Variants in ANOS1 observed in about 807,000 individuals in gnomAD.
ANOS1 encodes anosmin-1.
A neutral mutation model predicts 59.0 loss-of-function variants in ANOS1; 6 were observed. That is an observed-to-expected ratio of 0.10 (90% CI 0.06 to 0.20). ANOS1 has a LOEUF of 0.20. Among genes scored for constraint, ANOS1 ranks in the 10% least tolerant of loss-of-function variants. ANOS1 has a pLI of 1.00. For missense variants in ANOS1, 433 were observed against 542.3 expected, an observed-to-expected ratio of 0.80 and a Z score of 2.00; for synonymous variants, 217 against 223.4, an observed-to-expected ratio of 0.97 and a Z score of 0.25.
At chrX:8,593,148 C>T (rs758295884) in intron 4 of ANOS1, among the ~76,000 whole-genome samples, 13 of 111,117 alleles carry the variant, frequency 1.2e-4, no homozygotes, top group Non-Finnish European at 2.3e-4. Flanking sequence ...GGTAAATGTC[C>T]ATTTATTTAA....
chrX:8,719,018 C>T (rs187031264), intron 1 of ANOS1, among the ~76,000 whole-genome samples: 1 of 112,169 alleles, frequency 8.9e-6, no homozygotes, highest in African/African-American at 3.2e-5. Context: ...TTGCAATTTG[C>T]ATTCTGCGGG....
chrX:8,698,196 T>C (rs905515373), intron 2 of ANOS1, among the ~76,000 whole-genome samples: 3 of 112,345 alleles, frequency 2.7e-5, no homozygotes, highest in African/African-American at 9.7e-5. Flanking sequence ...TTGCTTTCTT[T>C]CCTTGTGAAA....
Position 8,532,322 on chromosome X carries a change from C to G in ANOS1, c.*673G>C, listed in dbSNP as rs1215046754. The G allele has an allele frequency of 4.5e-5, 5 of 112,092 alleles. No individual in the cohort carries two copies. The highest frequency in any genetic ancestry group is 1.6e-4 in the African/African-American group (5 of 30,953). The allele number at this position is 112,092 out of a possible 1,213,427, so 9.2% of individuals were successfully genotyped here. On this transcript the variant is annotated 3_prime_UTR_variant, in exon 14 of 14. Coordinates refer to ENST00000262648, the MANE Select transcript of ANOS1 (RefSeq NM_000216.4). ...CTCCAAGGTAAAATCTGATTAGCAG[C>G]TTATTTCATTGAGTTCCTCTGGCTT...
rs368596236 is a variant in ANOS1 at position 8,605,645 on chromosome X, C to CA, written c.319-8390dup. Among the ~76,000 whole-genome samples, 366 of 47,596 alleles carry CA rather than the reference C, an allele frequency of 7.7e-3. 2 individuals carry two copies. The highest frequency in any genetic ancestry group is 0.025 in the South Asian group (19 of 753). The allele number at this position is 47,596 out of a possible 115,157, so 41.3% of individuals were successfully genotyped here. A position where few individuals can be genotyped will look rare whatever the true frequency, so the allele number is the denominator to read the frequency against. ...TGGGCGACAGAAGGAGACTCCATCT[C>CA]AAAAAAAAAAAAAAAAAAGGAAAAG... is the stretch of plus-strand genomic sequence containing the variant. On this transcript the variant is annotated intron_variant, in intron 3 of 13. Transcript: ENST00000262648.
chrX:8,683,721 T>C, intron 2 of ANOS1, among the ~76,000 whole-genome samples: 1 of 112,005 alleles, frequency 8.9e-6, no homozygotes, highest in Admixed American at 9.5e-5. Flanking sequence ...GAGGCTTCAA[T>C]TCTATTCTTT....
At chrX:8,649,099 C>A (rs1931808365) in intron 2 of ANOS1, among the ~76,000 whole-genome samples, 1 of 111,788 alleles carries the variant, frequency 8.9e-6, no homozygotes, top group South Asian at 3.8e-4. Context: ...CTACCCTCGT[C>A]TACAGCTCCC....
At chrX:8,606,604 T>G (rs1267019843) in intron 3 of ANOS1, among the ~76,000 whole-genome samples, 3 of 112,360 alleles carry the variant, frequency 2.7e-5, no homozygotes, top group Admixed American at 9.4e-5. Flanking sequence ...CTTTAAGCAT[T>G]TATTTGAAAC....
At chrX:8,586,954 G>GA (rs745385907) in intron 5 of ANOS1, among the ~76,000 whole-genome samples, 4,308 of 91,297 alleles carry the variant, frequency 0.047, 111 homozygotes, top group East Asian at 0.16. Context: ...TACATTTACT[G>GA]AAAAAAAAAA....
intron 1 of ANOS1, among the ~76,000 whole-genome samples, chrX:8,700,807 G>A (rs770829466): frequency 2.7e-5 from 3 of 111,520 alleles, no homozygotes; most frequent in African/African-American, 9.8e-5. Flanking sequence ...TCAGGAGTTC[G>A]AGACCAGCCT....
intron 6 of ANOS1, 65 bp downstream of exon 6, chrX:8,585,202 T>C: frequency 9.0e-7 from 1 of 1,110,177 alleles, no homozygotes; most frequent in Non-Finnish European, 1.2e-6. Context: ...ACAGTGAATC[T>C]GCATTCCATG....
rs1175162931 is a variant in ANOS1, at chrX:8,557,332, A to C, written c.1208-3234T>G. 3.6e-5 allele frequency among the ~76,000 whole-genome samples: 4 copies of C among 112,331 alleles called. No individual in the cohort carries two copies. The East Asian group carries it at 1.1e-3, about 31-fold the overall frequency. On this transcript the variant is annotated intron_variant, in intron 8 of 13. Coordinates refer to ENST00000262648, the MANE Select transcript of ANOS1 (RefSeq NM_000216.4). ...AGCCAAAGTTGACAAATGGGATCTA[A>C]TTAAACTAAAGAGCTTCTGCACAGC...
At chrX:8,557,529 C>G (rs893260500) in intron 8 of ANOS1, among the ~76,000 whole-genome samples, 7 of 112,361 alleles carry the variant, frequency 6.2e-5, no homozygotes, top group African/African-American at 2.3e-4. Flanking sequence ...TGAACAGACA[C>G]TTCTCAAAAG....
intron 2 of ANOS1, among the ~76,000 whole-genome samples, chrX:8,653,748 G>A (rs189162872): frequency 4.2e-4 from 47 of 111,539 alleles, no homozygotes; most frequent in African/African-American, 1.4e-3. Flanking sequence ...TCTGTCTCAC[G>A]CTAGAAGGGA....
At chrX:8,700,693 C>A (rs911265348) in intron 1 of ANOS1, among the ~76,000 whole-genome samples, 1 of 112,307 alleles carries the variant, frequency 8.9e-6, no homozygotes, top group Non-Finnish European at 1.9e-5. Context: ...CTAAATGAAA[C>A]AATAGATACA....
Position 8,587,865 on chromosome X carries a change from C to A in ANOS1, c.655G>T (p.Val219Leu). Reference sequence around the variant, plus strand: ...ATTCCATAATTCCATCTTCTTTGTACCACATAGATCACAGGCTCAATAGAA... The same window carrying A: ...ATTCCATAATTCCATCTTCTTTGTAACACATAGATCACAGGCTCAATAGAA... ...NISIEPVIYV[V>L]QRRWNYGIHP... Residue 219 changes from valine (V) to leucine (L), a missense_variant, in exon 5 of 14, where the codon GTA becomes TTA. Coordinates refer to ENST00000262648, the MANE Select transcript of ANOS1 (RefSeq NM_000216.4). 8.3e-7 allele frequency: 1 copy of A among 1,205,471 alleles called. No individual in the cohort carries two copies.
intron 2 of ANOS1, among the ~76,000 whole-genome samples, chrX:8,636,918 A>C: frequency 8.9e-6 from 1 of 112,426 alleles, no homozygotes; most frequent in Admixed American, 9.4e-5. Context: ...GCTTAAAAGG[A>C]AACACCATGG....
intron 2 of ANOS1, among the ~76,000 whole-genome samples, chrX:8,640,418 A>G (rs916332532): frequency 2.7e-5 from 3 of 110,878 alleles, no homozygotes; most frequent in Non-Finnish European, 5.7e-5. Context: ...TATGAGGCCA[A>G]TGTAAATCCA....
Position 8,654,210 on chromosome X carries a change from A to G in ANOS1, c.256-30540T>C, listed in dbSNP as rs1307373289. Among the ~76,000 whole-genome samples, 11 of 112,072 alleles carry G rather than the reference A, an allele frequency of 9.8e-5. No individual in the cohort carries two copies. In the Admixed American group the frequency reaches 1.0e-3, roughly 11 times the overall value. ...CTTATGTCTCCCATAGGTCTGTATC[A>G]GGAGGGCAGATGATTCTGGCACAAT... On this transcript the variant is annotated intron_variant, in intron 2 of 13. Transcript: ENST00000262648.
intron 3 of ANOS1, among the ~76,000 whole-genome samples, chrX:8,620,378 C>T (rs773880051): frequency 8.9e-6 from 1 of 111,828 alleles, no homozygotes; most frequent in South Asian, 3.8e-4. Context: ...GTAAACATAC[C>T]GGGCCGAACA....
Sources: allele counts gnomAD v4.1 joint callset (sites outside exome capture counted in the v4.1 genomes callset), GRCh38; gene constraint gnomAD v4.1.1; transcripts MANE v1.5; gene names NCBI Gene and HGNC (gene_info 2026-07-23, HGNC 2026-07-21).